The following ADGRL2 variants were observed in gnomAD, a reference collection of about 807,000 sequenced individuals.
ADGRL2 encodes calcium-independent alpha-latrotoxin receptor 2.
ADGRL2 carries 44 observed loss-of-function variants against 157.4 expected under a neutral mutation model. That is an observed-to-expected ratio of 0.28 (90% CI 0.22 to 0.36). The LOEUF (loss-of-function observed/expected upper bound fraction) is 0.36, where lower values mean the gene tolerates loss of function less well. Among genes scored for constraint, ADGRL2 ranks in the 10% least tolerant of loss-of-function variants. ADGRL2 has a pLI of 1.00. For missense variants in ADGRL2, 1,510 were observed against 1,768.9 expected, an observed-to-expected ratio of 0.85 and a Z score of 2.63; for synonymous variants, 585 against 624.7, an observed-to-expected ratio of 0.94 and a Z score of 0.95.
chr1:81,479,170 T>C (rs2078332465), intron 2 of ADGRL2, among the ~76,000 whole-genome samples: 1 of 151,310 alleles, frequency 6.6e-6, no homozygotes, highest in African/African-American at 2.4e-5. Flanking sequence ...TTTTTTCTTT[T>C]TTAAAAAATT....
intron 2 of ADGRL2, chr1:81,557,396 A>C (rs1262829638): frequency 6.2e-6 from 1 of 161,152 alleles, no homozygotes; most frequent in East Asian, 1.7e-4. Context: ...ACAGAGCAAG[A>C]CAGACAGAAA....
At chr1:81,490,432 A>G (rs943324017) in intron 2 of ADGRL2, among the ~76,000 whole-genome samples, 5 of 152,090 alleles carry the variant, frequency 3.3e-5, no homozygotes, top group Admixed American at 6.6e-5. Context: ...ATGCCTGGCA[A>G]CTTAACATAT....
intron 1 of ADGRL2, among the ~76,000 whole-genome samples, chr1:81,309,676 C>T (rs1659603311): frequency 6.6e-6 from 1 of 152,062 alleles, no homozygotes; most frequent in African/African-American, 2.4e-5. Flanking sequence ...TTTCATTTAA[C>T]GTATGTCAGG....
chr1:81,863,506 G>A (rs2093448079), intron 2 of ADGRL2, among the ~76,000 whole-genome samples: 1 of 152,106 alleles, frequency 6.6e-6, no homozygotes. Context: ...CTAACTTGAG[G>A]ACTCTTTGCC....
chr1:81,945,163 CAT>C (rs987259329), intron 6 of ADGRL2, among the ~76,000 whole-genome samples: 4 of 151,922 alleles, frequency 2.6e-5, no homozygotes, highest in Non-Finnish European at 4.4e-5. Context: ...AAAATGTATA[CAT>C]ATGTTTGCTC....
chr1:81,980,895 T>C, intron 18 of ADGRL2: 1 of 616,956 alleles, frequency 1.6e-6, no homozygotes, highest in Admixed American at 2.2e-5. Flanking sequence ...TTTTTACAAA[T>C]TCGTCAGTAT....
At chr1:81,457,833 G>C (rs2077838366) in intron 2 of ADGRL2, among the ~76,000 whole-genome samples, 1 of 152,176 alleles carries the variant, frequency 6.6e-6, no homozygotes, top group Non-Finnish European at 1.5e-5. Flanking sequence ...AGGAGCCATA[G>C]CAGGAGCTTT....
chr1:81,730,710 G>A (rs2084692395), intron 1 of ADGRL2, among the ~76,000 whole-genome samples: 1 of 148,954 alleles, frequency 6.7e-6, no homozygotes, highest in South Asian at 2.2e-4. Flanking sequence ...GCGGCAGAGT[G>A]AGACTCCATC....
At chr1:81,839,839 A>G (rs1411742061) in intron 2 of ADGRL2, among the ~76,000 whole-genome samples, 2 of 94,542 alleles carry the variant, frequency 2.1e-5, no homozygotes, top group South Asian at 3.5e-4. Flanking sequence ...TCATATATAT[A>G]TGTTTTCCAT....
intron 1 of ADGRL2, among the ~76,000 whole-genome samples, chr1:81,727,450 T>C (rs1192093325): frequency 6.6e-6 from 1 of 152,190 alleles, no homozygotes; most frequent in Non-Finnish European, 1.5e-5. Context: ...TAATTTTTTT[T>C]TGAGATGGAG....
intron 1 of ADGRL2, among the ~76,000 whole-genome samples, chr1:81,369,598 G>A (rs1386911680): frequency 1.3e-5 from 2 of 152,120 alleles, no homozygotes; most frequent in Non-Finnish European, 2.9e-5. Context: ...TCAGCCGAAT[G>A]GATGACCTTA....
At chr1:81,704,498 C>G (rs1321694799) in intron 1 of ADGRL2, among the ~76,000 whole-genome samples, 2 of 152,138 alleles carry the variant, frequency 1.3e-5, no homozygotes, top group African/African-American at 4.8e-5. Flanking sequence ...TCTGGGCCTT[C>G]AAGGACCAGA....
chr1:81,374,098 C>A (rs754877255), intron 1 of ADGRL2, among the ~76,000 whole-genome samples: 2 of 152,244 alleles, frequency 1.3e-5, no homozygotes, highest in Middle Eastern at 3.4e-3. Context: ...CACACAAACA[C>A]CCTTATGAAT....
intron 2 of ADGRL2, among the ~76,000 whole-genome samples, chr1:81,550,720 A>G (rs1046136090): frequency 2.0e-5 from 3 of 152,132 alleles, no homozygotes; most frequent in Admixed American, 6.6e-5. Flanking sequence ...CCTCTGGGTA[A>G]AGGTATCATT....
chr1:81,732,621 T>C (rs983214929), intron 1 of ADGRL2, among the ~76,000 whole-genome samples: 4 of 152,094 alleles, frequency 2.6e-5, no homozygotes, highest in African/African-American at 9.7e-5. Flanking sequence ...AATCATAAAC[T>C]AGTTTAAGAA....
chr1:81,852,947 A>G (rs942774681), intron 2 of ADGRL2, among the ~76,000 whole-genome samples: 1 of 152,144 alleles, frequency 6.6e-6, no homozygotes, highest in African/African-American at 2.4e-5. Flanking sequence ...TTTAACCTGT[A>G]AAAATCAACA....
intron 1 of ADGRL2, among the ~76,000 whole-genome samples, chr1:81,342,562 C>T (rs530264547): frequency 3.3e-5 from 5 of 152,078 alleles, no homozygotes; most frequent in African/African-American, 1.2e-4. Context: ...ATAATTTTAA[C>T]CAAGTACCAG....
intron 1 of ADGRL2, among the ~76,000 whole-genome samples, chr1:81,828,973 G>A (rs1169436785): frequency 1.3e-5 from 2 of 151,500 alleles, no homozygotes; most frequent in African/African-American, 2.4e-5. Context: ...GTGCAGTGGC[G>A]CTATCTTGGC....
At chr1:81,962,662 C>T (rs1035556143) in intron 11 of ADGRL2, among the ~76,000 whole-genome samples, 5 of 151,940 alleles carry the variant, frequency 3.3e-5, no homozygotes, top group Non-Finnish European at 7.4e-5. Flanking sequence ...CTTGAATCTA[C>T]CTGAAATTTA....
Sources: allele counts gnomAD v4.1 joint callset (sites outside exome capture counted in the v4.1 genomes callset), GRCh38; gene constraint gnomAD v4.1.1; transcripts MANE v1.5; gene names NCBI Gene and HGNC (gene_info 2026-07-23, HGNC 2026-07-21).